PCDHGA3: variants seen among roughly 807,000 people sequenced by gnomAD.
PCDHGA3 encodes protocadherin gamma subfamily A, 3.
Under a neutral mutation model 58.5 loss-of-function variants are expected in PCDHGA3, and 40 were observed. The ratio of observed to expected loss-of-function variants is 0.68; its 90% CI spans 0.53 to 0.89. PCDHGA3 has a LOEUF of 0.89. PCDHGA3 is among the 40% of genes least tolerant of loss of function. PCDHGA3 has a pLI of 0.00. For missense variants in PCDHGA3, 1,223 were observed against 1,195.9 expected (o/e 1.02, Z -0.33); for synonymous variants, 530 against 525.7 (o/e 1.01, Z -0.11).
chr5:141,430,790 A>G, intron 1 of PCDHGA3: 1 of 1,516,892 alleles, frequency 6.6e-7, no homozygotes, highest in South Asian at 1.3e-5. Context: ...CCGGGACTAC[A>G]AAGGGCTTGT....
At chr5:141,469,700 T>TA (rs1483261429) in intron 1 of PCDHGA3, among the ~76,000 whole-genome samples, 1 of 152,272 alleles carries the variant, frequency 6.6e-6, no homozygotes, top group African/African-American at 2.4e-5. Context: ...TATGACCTAG[T>TA]AATCACACTA....
At chr5:141,483,919 G>T (rs912152955) in intron 1 of PCDHGA3, among the ~76,000 whole-genome samples, 2 of 151,008 alleles carry the variant, frequency 1.3e-5, no homozygotes, top group South Asian at 2.1e-4. Flanking sequence ...CACTCAGATT[G>T]CAGGTCGTAG....
intron 1 of PCDHGA3, chr5:141,395,250 C>A: frequency 6.4e-7 from 1 of 1,558,318 alleles, no homozygotes. Context: ...GAGTTTAGTT[C>A]TTTGCTTGCT....
intron 1 of PCDHGA3, chr5:141,415,883 G>C: frequency 1.0e-6 from 1 of 984,090 alleles, no homozygotes; most frequent in Non-Finnish European, 1.4e-6. Context: ...GTACAATATT[G>C]ACAATTCCTA....
intron 1 of PCDHGA3, among the ~76,000 whole-genome samples, chr5:141,467,702 C>T (rs2099149453): frequency 6.6e-6 from 1 of 152,086 alleles, no homozygotes; most frequent in South Asian, 2.1e-4. Context: ...GGCTCTGTTG[C>T]CCAGGCTGGA....
intron 1 of PCDHGA3, chr5:141,441,978 A>T (rs769977785): frequency 9.1e-5 from 26 of 285,248 alleles, no homozygotes; most frequent in Non-Finnish European, 1.8e-4. Flanking sequence ...TCAGCCTGGA[A>T]TGCGCACCGA....
intron 1 of PCDHGA3, chr5:141,413,201 A>G (rs746209535): frequency 1.9e-6 from 3 of 1,611,954 alleles, no homozygotes; most frequent in Non-Finnish European, 2.5e-6. Context: ...AATCGCTCAA[A>G]GGAATCAAAG....
intron 1 of PCDHGA3, chr5:141,376,546 T>TC (rs1388461293): frequency 6.2e-7 from 1 of 1,612,610 alleles, no homozygotes; most frequent in Non-Finnish European, 8.5e-7. Context: ...AGTAATCTGA[T>TC]CTTCCCGCAA....
chr5:141,366,599 G>C lies in PCDHGA3; in HGVS notation c.2424+20142G>C, dbSNP rs778631625. The C allele has an allele frequency of 6.2e-7, 1 of 1,614,214 alleles. No individual in the cohort carries two copies. The highest frequency in any genetic ancestry group is 8.5e-7 in the Non-Finnish European group (1 of 1,180,046). ...TTTCCTGCAGACCTATTCCCACGAG[G>C]TCTCCCTCACCGCGGACTCGAGGAA... On this transcript the variant is annotated intron_variant, in intron 1 of 3. Coordinates refer to ENST00000253812, the MANE Select transcript of PCDHGA3 (RefSeq NM_018916.4).
rs1057108915 is a variant in PCDHGA3 at position 141,511,366 on chromosome 5, T to C, written c.*193T>C. The C allele has an allele frequency of 3.8e-6, 5 of 1,306,414 alleles. No individual in the cohort carries two copies. In the Admixed American group the frequency reaches 8.4e-5, roughly 22 times the overall value. The allele number at this position is 1,306,414 out of a possible 1,614,324, so 80.9% of individuals were successfully genotyped here. A position where few individuals can be genotyped will look rare whatever the true frequency, so the allele number is the denominator to read the frequency against. On this transcript the variant is annotated 3_prime_UTR_variant, in exon 4 of 4. Transcript: ENST00000253812. ...CCCTTCCCCCCCAGGGGGTTGAATA[T>C]GCAAAAGCAGTTCCGCTGGGAACCC...
At chr5:141,449,521 G>A (rs1238503983) in intron 1 of PCDHGA3, among the ~76,000 whole-genome samples, 4 of 150,262 alleles carry the variant, frequency 2.7e-5, no homozygotes, top group African/African-American at 9.8e-5. Flanking sequence ...CCTGGGAGGC[G>A]GAGGTTGCAG....
rs146748846 is a variant in PCDHGA3 at position 141,452,937 on chromosome 5, G to C, written c.2425-41870G>C. 4.0e-4 allele frequency among the ~76,000 whole-genome samples: 61 copies of C among 152,254 alleles called. No individual in the cohort carries two copies. The East Asian group carries it at 0.01, about 26-fold the overall frequency. On this transcript the variant is annotated intron_variant, in intron 1 of 3. Coordinates refer to ENST00000253812, the MANE Select transcript of PCDHGA3 (RefSeq NM_018916.4). The stretch of plus-strand genomic sequence containing the variant: ...AGTAAGAAAGAGCTGCTGAAGATTT[G>C]CTTGCAATTGGTTGTCTTTAAACTG...
intron 1 of PCDHGA3, among the ~76,000 whole-genome samples, chr5:141,464,151 G>A (rs2099076865): frequency 6.6e-6 from 1 of 151,818 alleles, no homozygotes; most frequent in Non-Finnish European, 1.5e-5. Flanking sequence ...TGTAGTCCCA[G>A]CTACTTGGAA....
At chr5:141,450,006 C>CTTT (rs1554136305) in intron 1 of PCDHGA3, among the ~76,000 whole-genome samples, 1 of 132,986 alleles carries the variant, frequency 7.5e-6, no homozygotes, top group Non-Finnish European at 1.6e-5. Context: ...TGCCATGTCT[C>CTTT]TTTTTTTTTT....
At chr5:141,506,188 C>A (rs925159785) in intron 3 of PCDHGA3, among the ~76,000 whole-genome samples, 1 of 152,058 alleles carries the variant, frequency 6.6e-6, no homozygotes, top group Non-Finnish European at 1.5e-5. Flanking sequence ...TGGTGGCTCA[C>A]GCCTGTAATC....
At chr5:141,423,367 G>A (rs1478466218) in intron 1 of PCDHGA3, 2 of 1,614,068 alleles carry the variant, frequency 1.2e-6, no homozygotes, top group Admixed American at 1.7e-5. Context: ...CGTGCTGCTG[G>A]CACTCAGGCT....
In PCDHGA3 at chr5:141,423,840, A is replaced by G. The variant is rs189449471; in HGVS notation, c.2425-70967A>G. ...CTTTGCCTTTCATGAGATTACGATA[A>G]TCTTTCAGAACGTTTTTGTGAAAGT... On this transcript the variant is annotated intron_variant, in intron 1 of 3. Coordinates refer to ENST00000253812, the MANE Select transcript of PCDHGA3 (RefSeq NM_018916.4). 1,637 of 1,279,840 alleles carry G rather than the reference A, an allele frequency of 1.3e-3. 3 individuals carry two copies. The highest frequency in any genetic ancestry group is 1.5e-3 in the Non-Finnish European group (1,519 of 1,009,392). 79.3% of individuals were successfully genotyped at this position (1,279,840 alleles called of 1,614,324 possible).
At chr5:141,374,527 A>T (rs1429830664) in intron 1 of PCDHGA3, 7 of 1,613,074 alleles carry the variant, frequency 4.3e-6, no homozygotes, top group Non-Finnish European at 5.9e-6. Flanking sequence ...ACGCAGCTCC[A>T]TCCTCTCGTT....
At chr5:141,459,442 A>G (rs2098968073) in intron 1 of PCDHGA3, among the ~76,000 whole-genome samples, 1 of 152,198 alleles carries the variant, frequency 6.6e-6, no homozygotes, top group South Asian at 2.1e-4. Context: ...CATTCATTCA[A>G]CTGTTGGTGG....
Sources: gnomAD v4.1 joint callset for allele counts (sites outside exome capture counted in the v4.1 genomes callset) on GRCh38, gnomAD v4.1.1 for gene constraint, MANE v1.5 for transcripts, NCBI Gene and HGNC (gene_info 2026-07-23, HGNC 2026-07-21) for gene names.